DPYD: variants seen among roughly 807,000 people sequenced by gnomAD.
The protein encoded by DPYD is dihydropyrimidine dehydrogenase [NADP(+)].
Under a neutral mutation model 116.2 loss-of-function variants are expected in DPYD, and 109 were observed. The ratio of observed to expected loss-of-function variants is 0.94; its 90% CI spans 0.80 to 1.10. DPYD has a LOEUF of 1.10. Ranked by LOEUF, DPYD falls within the 50% of genes least tolerant of loss-of-function variation. The probability of loss-of-function intolerance (pLI) is 0.00; values close to 1 mark genes in which losing one functional copy is unlikely to be tolerated. For missense variants in DPYD, 1,302 were observed against 1,254.5 expected (o/e 1.04, Z -0.57); for synonymous variants, 440 against 432.0 (o/e 1.02, Z -0.23).
intron 2 of DPYD, among the ~76,000 whole-genome samples, chr1:97,859,445 T>C (rs935335133): frequency 2.0e-5 from 3 of 152,168 alleles, no homozygotes; most frequent in African/African-American, 7.2e-5. Context: ...AGGCCCTTTG[T>C]TTCGGGTTAA....
chr1:97,180,618 T>A lies in DPYD; in HGVS notation c.2622+12451A>T, dbSNP rs546921545. 5.9e-5 allele frequency among the ~76,000 whole-genome samples: 9 copies of A among 152,126 alleles called. No individual in the cohort carries two copies. The East Asian group carries it at 1.7e-3, about 29-fold the overall frequency. On this transcript the variant is annotated intron_variant, in intron 20 of 22. Transcript: ENST00000370192. ...CCACCCAGAACAAGAACAATCCTCA[T>A]TTTTTTTCATGGTTTAAAAGCAACA...
intron 16 of DPYD, among the ~76,000 whole-genome samples, chr1:97,341,670 TG>T (rs1669594488): frequency 6.6e-6 from 1 of 152,228 alleles, no homozygotes; most frequent in African/African-American, 2.4e-5. Context: ...CACGAAGACC[TG>T]GTAAGAACAG....
chr1:97,449,321 A>G (rs1676265492), intron 14 of DPYD, among the ~76,000 whole-genome samples: 1 of 152,156 alleles, frequency 6.6e-6, no homozygotes, highest in African/African-American at 2.4e-5. Context: ...AGAAAGAGAA[A>G]TAAGTTGTGT....
chr1:97,698,331 C>A (rs1252248778), intron 6 of DPYD, among the ~76,000 whole-genome samples: 1 of 151,702 alleles, frequency 6.6e-6, no homozygotes, highest in African/African-American at 2.4e-5. Flanking sequence ...ATATTTATAT[C>A]AATGATACAA....
chr1:97,508,826 G>C (rs1647556701), intron 13 of DPYD, among the ~76,000 whole-genome samples: 1 of 151,932 alleles, frequency 6.6e-6, no homozygotes, highest in Non-Finnish European at 1.5e-5. Context: ...ATCTGGTCTT[G>C]TGATGTGCCC....
intron 16 of DPYD, among the ~76,000 whole-genome samples, chr1:97,307,435 T>G (rs906935122): frequency 6.6e-6 from 1 of 151,860 alleles, no homozygotes; most frequent in African/African-American, 2.4e-5. Context: ...AGATTTGTAA[T>G]GTTATAACCT....
intron 14 of DPYD, among the ~76,000 whole-genome samples, chr1:97,422,139 A>G (rs577738228): frequency 6.6e-6 from 1 of 152,204 alleles, no homozygotes; most frequent in Non-Finnish European, 1.5e-5. Flanking sequence ...ACAATCTTTT[A>G]GTTATCAGCA....
intron 18 of DPYD, among the ~76,000 whole-genome samples, chr1:97,238,471 T>A (rs1662102819): frequency 6.6e-6 from 1 of 152,138 alleles, no homozygotes; most frequent in Admixed American, 6.6e-5. Context: ...TAAAAAGATC[T>A]TTCTAAATTG....
intron 20 of DPYD, among the ~76,000 whole-genome samples, chr1:97,177,966 G>A (rs1657404999): frequency 6.6e-6 from 1 of 152,098 alleles, no homozygotes; most frequent in African/African-American, 2.4e-5. Flanking sequence ...GAAGGGGCAA[G>A]GGATCTCTCT....
At chr1:97,553,197 C>T (rs1651452180) in intron 11 of DPYD, among the ~76,000 whole-genome samples, 1 of 151,768 alleles carries the variant, frequency 6.6e-6, no homozygotes, top group South Asian at 2.1e-4. Context: ...TTGATTCATA[C>T]TATATATGAA....
intron 20 of DPYD, among the ~76,000 whole-genome samples, chr1:97,183,735 G>A (rs1401196758): frequency 6.6e-6 from 1 of 152,034 alleles, no homozygotes; most frequent in Non-Finnish European, 1.5e-5. Context: ...ATTATTTTAA[G>A]TCTTCTTTAA....
chr1:97,875,678 A>AT (rs951618998), intron 2 of DPYD, among the ~76,000 whole-genome samples: 3 of 151,532 alleles, frequency 2.0e-5, no homozygotes, highest in Non-Finnish European at 2.9e-5. Context: ...TCCCTCTCTA[A>AT]TTTTTTTCCC....
intron 3 of DPYD, among the ~76,000 whole-genome samples, chr1:97,762,903 C>T (rs923197841): frequency 5.3e-5 from 8 of 152,058 alleles, no homozygotes; most frequent in African/African-American, 1.4e-4. Context: ...TGCGTCGTCA[C>T]AACTGCTGTG....
intron 20 of DPYD, among the ~76,000 whole-genome samples, chr1:97,129,064 G>A (rs1360395292): frequency 1.4e-5 from 2 of 142,696 alleles, no homozygotes; most frequent in Non-Finnish European, 1.5e-5. Flanking sequence ...AGGTCCTGCT[G>A]TATTCTTTTT....
At chr1:97,659,435 T>C (rs1659127764) in intron 8 of DPYD, among the ~76,000 whole-genome samples, 1 of 152,292 alleles carries the variant, frequency 6.6e-6, no homozygotes, top group African/African-American at 2.4e-5. Context: ...CAGCTCAACA[T>C]ATTCAGTGAT....
At chr1:97,749,982 G>GA (rs960526673) in intron 3 of DPYD, among the ~76,000 whole-genome samples, 41 of 149,224 alleles carry the variant, frequency 2.7e-4, no homozygotes, top group Middle Eastern at 3.5e-3. Flanking sequence ...AGGCTTCATA[G>GA]AAAAAAAAAG....
chr1:97,679,745 T>C (rs1263024097), intron 7 of DPYD, among the ~76,000 whole-genome samples: 2 of 152,050 alleles, frequency 1.3e-5, no homozygotes, highest in East Asian at 3.9e-4. Flanking sequence ...AAGCAGAGGG[T>C]AGTCACCCCT....
intron 8 of DPYD, among the ~76,000 whole-genome samples, chr1:97,653,595 G>A (rs1027819329): frequency 3.3e-5 from 5 of 151,958 alleles, no homozygotes; most frequent in African/African-American, 7.3e-5. Context: ...GAGACACCAC[G>A]CCCAGCCAAA....
At chr1:97,705,773 G>C (rs1488149795) in intron 5 of DPYD, among the ~76,000 whole-genome samples, 8 of 151,532 alleles carry the variant, frequency 5.3e-5, no homozygotes, top group South Asian at 2.1e-4. Flanking sequence ...GTTCCTATTT[G>C]TCCACATCTT....
Sources: allele counts gnomAD v4.1 joint callset (sites outside exome capture counted in the v4.1 genomes callset), GRCh38; gene constraint gnomAD v4.1.1; transcripts MANE v1.5; gene names NCBI Gene and HGNC (gene_info 2026-07-23, HGNC 2026-07-21).